PPM1B: variants seen among roughly 807,000 people sequenced by gnomAD.
The protein encoded by PPM1B is protein phosphatase, Mg2+/Mn2+ dependent 1B, also known as protein phosphatase 1B.
In PPM1B, 22 loss-of-function variants were observed where a neutral mutation model predicts 43.0. The observed-to-expected ratio is 0.51, with a 90% CI of 0.37 to 0.73. The LOEUF (loss-of-function observed/expected upper bound fraction) is 0.73, where lower values mean the gene tolerates loss of function less well. Among genes scored for constraint, PPM1B ranks in the 30% least tolerant of loss-of-function variants. The pLI, the probability that PPM1B is intolerant of heterozygous loss-of-function variation, is 0.00. For synonymous variants in PPM1B, 217 were observed against 197.9 expected, an observed-to-expected ratio of 1.10 and a Z score of -0.81; for missense variants, 632 against 584.2, an observed-to-expected ratio of 1.08 and a Z score of -0.84.
intron 1 of PPM1B, among the ~76,000 whole-genome samples, chr2:44,200,237 G>C (rs1018613350): frequency 6.6e-6 from 1 of 152,160 alleles, no homozygotes; most frequent in Admixed American, 6.5e-5. Flanking sequence ...TTTGCCCAAG[G>C]TCACCTAGTT....
intron 1 of PPM1B, among the ~76,000 whole-genome samples, chr2:44,188,393 C>CTTTTTTTT (rs67959948): frequency 5.2e-4 from 48 of 92,272 alleles, no homozygotes; most frequent in Non-Finnish European, 8.0e-4. Flanking sequence ...TTCTTTCTTT[C>CTTTTTTTT]TTTTTTTTTT....
At chr2:44,234,144 A>C (rs1395722860), downstream of PPM1B, 1 of 972,368 alleles carries the variant, frequency 1.0e-6, no homozygotes, top group Non-Finnish European at 1.2e-6. Flanking sequence ...CTGAAAATTT[A>C]ATTCCAAAGA....
intron 3 of PPM1B, chr2:44,217,695 A>G (rs1669786258): frequency 4.7e-6 from 1 of 215,034 alleles, no homozygotes; most frequent in African/African-American, 2.3e-5. Context: ...GTTGGTGAAC[A>G]TTTAGTTTGT....
intron 5 of PPM1B, chr2:44,244,174 GA>G (rs372100783): frequency 0.21 from 159,804 of 778,052 alleles, 10,429 homozygotes; most frequent in African/African-American, 0.31. Context: ...AATCCTGCAA[GA>G]AAAAAAAAAA....
chr2:44,215,514 A>G (rs1669679649), intron 3 of PPM1B, among the ~76,000 whole-genome samples: 1 of 152,130 alleles, frequency 6.6e-6, no homozygotes, highest in East Asian at 1.9e-4. Context: ...CAGGAGCATT[A>G]TGTTTCTTCT....
At position 44,201,922 on chromosome 2, in the gene PPM1B, T is replaced by G; in HGVS notation, c.723T>G (p.Ala241=). The change falls in exon 2 of 6, where the codon GCT becomes GCG. Residue 241 remains alanine (A), a synonymous_variant. Coordinates refer to ENST00000282412, the MANE Select transcript of PPM1B (RefSeq NM_002706.6). This position sits in a 1 kb window ranked among gnomAD's most constrained non-coding sequence, Gnocchi z 5.4. ...RAEEDEFIIL[A]CDGIWDVMSN... is the part of the protein sequence containing the mutation. ...AAGAGGATGAATTTATCATCTTGGC[T>G]TGTGATGGGATCTGGGATGTTATGA... The G allele has an allele frequency of 2.5e-6, 4 of 1,614,184 alleles. No homozygotes were observed. Among genetic ancestry groups the G allele is most frequent in the Non-Finnish European group, 2.5e-6 (3 of 1,180,024 alleles).
intron 1 of PPM1B, among the ~76,000 whole-genome samples, chr2:44,179,261 C>G (rs1454581445): frequency 5.3e-5 from 8 of 152,234 alleles, no homozygotes; most frequent in South Asian, 2.1e-4. Context: ...CATTAAACCT[C>G]TCTTTCTTTT....
At position 44,231,244 on chromosome 2, in the gene PPM1B, G is replaced by A; in HGVS notation, c.*526G>A. The stretch of plus-strand genomic sequence containing the variant: ...TGATTTGTTTATATTTTACATCTCT[G>A]TAGTTTTATTTTTAGAAGTTGTGAG... On this transcript the variant is annotated 3_prime_UTR_variant, in exon 6 of 6. Coordinates refer to ENST00000282412, the MANE Select transcript of PPM1B (RefSeq NM_002706.6). 3.1e-6 allele frequency: 3 copies of A among 979,228 alleles called. No homozygotes were observed. The highest frequency in any genetic ancestry group is 3.6e-6 in the Non-Finnish European group (3 of 824,330). The allele number at this position is 979,228 out of a possible 1,614,324, so 60.7% of individuals were successfully genotyped here.
chr2:44,218,736 A>G (rs1049326035), intron 5 of PPM1B, 199 bp downstream of exon 5: 1 of 507,066 alleles, frequency 2.0e-6, no homozygotes, highest in African/African-American at 2.0e-5. Flanking sequence ...TTTTGTAGAT[A>G]GTTTTGTTGT....
chr2:44,180,799 CAT>C (rs1448005650), intron 1 of PPM1B, among the ~76,000 whole-genome samples: 1 of 151,668 alleles, frequency 6.6e-6, no homozygotes, highest in Non-Finnish European at 1.5e-5. Context: ...TAAGTTAACA[CAT>C]ATTTTATTTA....
chr2:44,208,744 G>C (rs1229176867), intron 2 of PPM1B, among the ~76,000 whole-genome samples: 1 of 152,166 alleles, frequency 6.6e-6, no homozygotes, highest in Admixed American at 6.5e-5. Context: ...GTTTAGTTTA[G>C]TATTTTGGGT....
rs757747062 is a variant in PPM1B, at chr2:44,230,553, A to G, written c.1275A>G (p.Gly425=). ...GTTACAGGCTAGCTAAAGTAGAGGG[A>G]GAAGAAAGCCCTGCTGAACCAGCTG... is the stretch of plus-strand genomic sequence containing the variant. ...LTSYRLAKVE[G]EESPAEPAAT... The change falls in exon 6 of 6, where the codon GGA becomes GGG. Residue 425 remains glycine, a synonymous_variant. Transcript: ENST00000282412. The G allele has an allele frequency of 1.9e-6, 3 of 1,614,158 alleles. No homozygotes were observed. The highest frequency in any genetic ancestry group is 2.5e-6 in the Non-Finnish European group (3 of 1,180,018).
intron 4 of PPM1B, 60 bp downstream of exon 4, chr2:44,218,138 G>T (rs971020157): frequency 5.9e-5 from 78 of 1,312,400 alleles, no homozygotes; most frequent in Middle Eastern, 1.8e-4. Flanking sequence ...AATAATTTGG[G>T]GTAAAAAAAC....
intron 1 of PPM1B, among the ~76,000 whole-genome samples, chr2:44,184,793 C>A (rs1341546842): frequency 6.6e-6 from 1 of 151,978 alleles, no homozygotes; most frequent in Non-Finnish European, 1.5e-5. Flanking sequence ...TTTATTTTCA[C>A]TAATCTCTAA....
At chr2:44,208,386 C>T (rs56211457) in intron 2 of PPM1B, among the ~76,000 whole-genome samples, 5,653 of 152,222 alleles carry the variant, frequency 0.037, 334 homozygotes, top group African/African-American at 0.13. Context: ...ACAGTCCCCC[C>T]TGTTACTGTG....
chr2:44,203,714 A>C (rs746318094), intron 2 of PPM1B, among the ~76,000 whole-genome samples: 2 of 152,142 alleles, frequency 1.3e-5, no homozygotes, highest in African/African-American at 4.8e-5. Flanking sequence ...CTCCATGCCT[A>C]TAAGTATTGA....
chr2:44,227,880 T>A (rs1038670272), intron 5 of PPM1B, among the ~76,000 whole-genome samples: 1 of 147,968 alleles, frequency 6.8e-6, no homozygotes, highest in South Asian at 2.2e-4. Flanking sequence ...CACCACCCCG[T>A]CTGAGGCAGG....
In PPM1B at chr2:44,169,030, A is replaced by C. The variant is rs1261356812; in HGVS notation, c.-259A>C. ...GGTTGGAAGATGCTCCAGAGAGACG[A>C]GGCTGCGGCGGAGGAGGTGGCGGCG... On this transcript the variant is annotated 5_prime_UTR_variant, in exon 1 of 6. Coordinates refer to ENST00000282412, the MANE Select transcript of PPM1B (RefSeq NM_002706.6). The C allele has an allele frequency of 6.1e-6, 1 of 163,876 alleles. No individual in the cohort carries two copies. Among genetic ancestry groups the C allele is most frequent in the Non-Finnish European group, 1.3e-5 (1 of 74,808 alleles). 10.2% of individuals were successfully genotyped at this position (163,876 alleles called of 1,614,324 possible). A position where few individuals can be genotyped will look rare whatever the true frequency, so the allele number is the denominator to read the frequency against.
chr2:44,222,211 T>G (rs1413131304), intron 5 of PPM1B, among the ~76,000 whole-genome samples: 1 of 152,124 alleles, frequency 6.6e-6, no homozygotes, highest in Non-Finnish European at 1.5e-5. Context: ...GGACTTGATC[T>G]GATTCATTTG....
Sources: gnomAD v4.1 joint callset for allele counts (sites outside exome capture counted in the v4.1 genomes callset) on GRCh38, gnomAD v4.1.1 for gene constraint, Gnocchi (gnomAD v3.1) non-coding constraint, MANE v1.5 for transcripts, NCBI Gene and HGNC (gene_info 2026-07-23, HGNC 2026-07-21) for gene names.